The following MECOM variants were observed in gnomAD, a reference collection of about 807,000 sequenced individuals.
MECOM encodes MDS1 and EVI1 complex locus.
MECOM carries 13 observed loss-of-function variants against 116.3 expected under a neutral mutation model. The ratio of observed to expected loss-of-function variants is 0.11; its 90% CI spans 0.07 to 0.18. MECOM has a LOEUF of 0.18. MECOM is among the 10% of genes least tolerant of loss of function. MECOM has a pLI of 1.00. For synonymous variants in MECOM, 528 were observed against 535.2 expected (o/e 0.99, Z 0.19); for missense variants, 1,299 against 1,509.0 (o/e 0.86, Z 2.31).
intron 1 of MECOM, among the ~76,000 whole-genome samples, chr3:169,607,742 A>G (rs1768770457): frequency 2.0e-5 from 3 of 152,230 alleles, no homozygotes; most frequent in Admixed American, 2.0e-4. Context: ...ATAATCTTAA[A>G]TCCCTACACA....
chr3:169,392,275 C>T (rs1734337095), intron 1 of MECOM, among the ~76,000 whole-genome samples: 1 of 152,162 alleles, frequency 6.6e-6, no homozygotes, highest in Non-Finnish European at 1.5e-5. Flanking sequence ...TGGTAGGCTC[C>T]ATACTATGAA....
At chr3:169,142,521 T>C (rs1738436857) in intron 3 of MECOM, among the ~76,000 whole-genome samples, 1 of 151,950 alleles carries the variant, frequency 6.6e-6, no homozygotes, top group Non-Finnish European at 1.5e-5. Flanking sequence ...CAATAGCTAA[T>C]TTAATAATGT....
chr3:169,485,027 C>T (rs1335837005), intron 1 of MECOM, among the ~76,000 whole-genome samples: 2 of 152,088 alleles, frequency 1.3e-5, no homozygotes, highest in Non-Finnish European at 2.9e-5. Flanking sequence ...TGGAGTTTCA[C>T]TCTTTCACCC....
At chr3:169,662,927 A>G (rs1041470220) in intron 1 of MECOM, among the ~76,000 whole-genome samples, 2 of 137,608 alleles carry the variant, frequency 1.5e-5, no homozygotes, top group Admixed American at 7.1e-5. Context: ...CTGGTTGGCC[A>G]GAGGCAACTC....
chr3:169,418,771 C>A (rs1488182622), intron 1 of MECOM, among the ~76,000 whole-genome samples: 1 of 141,164 alleles, frequency 7.1e-6, no homozygotes, highest in Admixed American at 7.1e-5. Context: ...CTATTTATGA[C>A]AAACCCACAG....
intron 1 of MECOM, among the ~76,000 whole-genome samples, chr3:169,540,990 C>T (rs1759997094): frequency 6.6e-6 from 1 of 152,156 alleles, no homozygotes; most frequent in African/African-American, 2.4e-5. Flanking sequence ...AGCAGGGTAC[C>T]ATCTTCTTCC....
chr3:169,410,275 A>G (rs142193440), intron 1 of MECOM, among the ~76,000 whole-genome samples: 1 of 152,346 alleles, frequency 6.6e-6, no homozygotes, highest in Non-Finnish European at 1.5e-5. Context: ...CTTTTGGAGA[A>G]CTTTGTGGAG....
At chr3:169,377,932 T>C (rs1731314750) in intron 2 of MECOM, among the ~76,000 whole-genome samples, 1 of 151,990 alleles carries the variant, frequency 6.6e-6, no homozygotes, top group African/African-American at 2.4e-5. Flanking sequence ...CAAATGCCCA[T>C]CAATGATAGA....
At chr3:169,364,416 A>C (rs1728819062) in intron 2 of MECOM, among the ~76,000 whole-genome samples, 1 of 151,974 alleles carries the variant, frequency 6.6e-6, no homozygotes, top group Non-Finnish European at 1.5e-5. Context: ...ATTTTAAATA[A>C]TACTACTTTT....
chr3:169,103,352 C>A (rs1724241341), intron 10 of MECOM, among the ~76,000 whole-genome samples: 1 of 152,012 alleles, frequency 6.6e-6, no homozygotes, highest in Non-Finnish European at 1.5e-5. Context: ...CCTCAGGGCT[C>A]ACATTTTATT....
At chr3:169,599,186 T>C (rs559613623) in intron 1 of MECOM, among the ~76,000 whole-genome samples, 1 of 152,310 alleles carries the variant, frequency 6.6e-6, no homozygotes, top group Non-Finnish European at 1.5e-5. Flanking sequence ...AAGAACCCTA[T>C]ACGCATTAAC....
chr3:169,279,643 C>A (rs1373319951), intron 2 of MECOM, among the ~76,000 whole-genome samples: 3 of 152,154 alleles, frequency 2.0e-5, no homozygotes, highest in Non-Finnish European at 2.9e-5. Context: ...TATACACATA[C>A]CGTTTTGTTT....
At chr3:169,660,670 T>A (rs1337550481) in intron 1 of MECOM, among the ~76,000 whole-genome samples, 1 of 152,170 alleles carries the variant, frequency 6.6e-6, no homozygotes, top group Non-Finnish European at 1.5e-5. Flanking sequence ...CAACTCCCCT[T>A]CTAAACCCAG....
At chr3:169,624,574 C>T (rs1363333806) in intron 1 of MECOM, among the ~76,000 whole-genome samples, 2 of 151,980 alleles carry the variant, frequency 1.3e-5, no homozygotes, top group Admixed American at 1.3e-4. Flanking sequence ...GACTTGTGTG[C>T]TACCCTCTGA....
At chr3:169,417,708 C>T (rs1578038248) in intron 1 of MECOM, among the ~76,000 whole-genome samples, 1 of 151,784 alleles carries the variant, frequency 6.6e-6, no homozygotes. Flanking sequence ...GGAACCAACC[C>T]AAATGTCCAA....
rs962380585 is a variant in MECOM, at chr3:169,536,500, ATC to A, written c.37+126834_37+126835del. ...GCAGACCCTGAGACTGAATCCTATA[ATC>A]TGGAACAAAGCTACTATGTCTGACA... On this transcript the variant is annotated intron_variant, in intron 1 of 16. Coordinates refer to ENST00000651503, the MANE Select transcript of MECOM (RefSeq NM_004991.4). Among the ~76,000 whole-genome samples the A allele has an allele frequency of 2.6e-5, 4 of 151,786 alleles. No individual in the cohort carries two copies. In the East Asian group the frequency reaches 7.7e-4, roughly 29 times the overall value.
At chr3:169,414,233 G>C (rs1738138846) in intron 1 of MECOM, among the ~76,000 whole-genome samples, 1 of 152,200 alleles carries the variant, frequency 6.6e-6, no homozygotes, top group African/African-American at 2.4e-5. Flanking sequence ...CCACTGGTGA[G>C]ACCCAGGCAA....
chr3:169,475,859 C>T (rs78679924), intron 1 of MECOM, among the ~76,000 whole-genome samples: 1,777 of 152,212 alleles, frequency 0.012, 32 homozygotes, highest in African/African-American at 0.041. Context: ...ATGGATGTCT[C>T]TGGCTCAAAG....
chr3:169,406,578 T>C (rs1160150595), intron 1 of MECOM, among the ~76,000 whole-genome samples: 6 of 152,190 alleles, frequency 3.9e-5, no homozygotes, highest in East Asian at 1.9e-4. Flanking sequence ...AATTAGAACA[T>C]GGAAAGCAAT....
Sources: allele counts gnomAD v4.1 joint callset (sites outside exome capture counted in the v4.1 genomes callset), GRCh38; gene constraint gnomAD v4.1.1; transcripts MANE v1.5; gene names NCBI Gene and HGNC (gene_info 2026-07-23, HGNC 2026-07-21).